The following CDH12 variants were observed in gnomAD, a reference collection of about 807,000 sequenced individuals.
CDH12 encodes cadherin-12.
In CDH12, 41 loss-of-function variants were observed where a neutral mutation model predicts 74.1. The ratio of observed to expected loss-of-function variants is 0.55; its 90% CI spans 0.43 to 0.72. CDH12 has a LOEUF of 0.72. CDH12 is among the 30% of genes least tolerant of loss of function. CDH12 has a pLI of 0.00. For missense variants in CDH12, 945 were observed against 977.2 expected (o/e 0.97, Z 0.44); for synonymous variants, 399 against 355.0 (o/e 1.12, Z -1.39).
At chr5:22,523,430 T>A (rs1392348616) in intron 1 of CDH12, among the ~76,000 whole-genome samples, 2 of 152,178 alleles carry the variant, frequency 1.3e-5, no homozygotes, top group Non-Finnish European at 2.9e-5. Context: ...CTCATGCACA[T>A]CCACTAGAGA....
intron 3 of CDH12, among the ~76,000 whole-genome samples, chr5:22,397,950 C>G (rs1175996895): frequency 6.6e-6 from 1 of 151,848 alleles, no homozygotes; most frequent in Non-Finnish European, 1.5e-5. Flanking sequence ...AGAAATAAAC[C>G]CTGCTGACAC....
intron 10 of CDH12, among the ~76,000 whole-genome samples, chr5:21,785,951 ATGCC>A (rs751319495): frequency 1.6e-4 from 25 of 152,318 alleles, no homozygotes; most frequent in Non-Finnish European, 2.6e-4. Flanking sequence ...AGAGAAGTCA[ATGCC>A]TGGCTTCAAA....
intron 3 of CDH12, among the ~76,000 whole-genome samples, chr5:22,360,177 C>A (rs1740737999): frequency 1.3e-5 from 2 of 151,888 alleles, no homozygotes; most frequent in African/African-American, 4.8e-5. Context: ...AATTGATAGA[C>A]CACTAGCAAG....
chr5:22,593,945 T>C (rs1346904367), intron 1 of CDH12, among the ~76,000 whole-genome samples: 2 of 152,198 alleles, frequency 1.3e-5, no homozygotes, highest in Admixed American at 6.5e-5. Flanking sequence ...ACTGATTATC[T>C]ATATATACTT....
intron 3 of CDH12, among the ~76,000 whole-genome samples, chr5:22,375,182 C>G (rs1318802644): frequency 1.3e-5 from 2 of 151,900 alleles, no homozygotes; most frequent in Non-Finnish European, 2.9e-5. Flanking sequence ...ACAAATATGC[C>G]AAGAACAATT....
rs1742496587 is a variant in CDH12, at chr5:22,078,578, T to G, written c.99A>C (p.Thr33=). 6.2e-7 allele frequency: 1 copy of G among 1,613,998 alleles called. No homozygotes were observed. The highest frequency in any genetic ancestry group is 8.5e-7 in the Non-Finnish European group (1 of 1,179,892). The stretch of plus-strand genomic sequence containing the variant: ...GATGGATAACATTTTCTCTTGGCTC[T>G]GTGGCTAAAGTCTGCTGTGGCTGTG... ...LQPQPQQTLA[T]EPRENVIHLP... is the part of the protein sequence containing the mutation. The change falls in exon 5 of 15, where the codon ACA becomes ACC. Residue 33 remains threonine, a synonymous_variant. Coordinates refer to ENST00000382254, the MANE Select transcript of CDH12 (RefSeq NM_004061.5).
chr5:22,743,934 T>C (rs1203003623), intron 1 of CDH12, among the ~76,000 whole-genome samples: 1 of 152,172 alleles, frequency 6.6e-6, no homozygotes, highest in African/African-American at 2.4e-5. Flanking sequence ...TTTCTACTGT[T>C]GGGCATTTTG....
At chr5:22,192,725 A>G (rs1750380137) in intron 4 of CDH12, among the ~76,000 whole-genome samples, 1 of 152,184 alleles carries the variant, frequency 6.6e-6, no homozygotes, top group African/African-American at 2.4e-5. Context: ...CTTATCCCAG[A>G]ATAGACTGGG....
chr5:22,643,823 C>A (rs72637732), intron 1 of CDH12, among the ~76,000 whole-genome samples: 5 of 136,232 alleles, frequency 3.7e-5, no homozygotes, highest in Middle Eastern at 4.1e-3. Context: ...ATTTTTCCAA[C>A]GGCATGTGCT....
chr5:21,934,836 G>C (rs1755002495), intron 6 of CDH12, among the ~76,000 whole-genome samples: 1 of 151,956 alleles, frequency 6.6e-6, no homozygotes, highest in Non-Finnish European at 1.5e-5. Flanking sequence ...ACCCAGGCTG[G>C]AGTGCAGTGG....
rs1296366470 is a variant in CDH12 at position 21,755,579 on chromosome 5, A to G, written c.1885+12T>C. ...CGAGAAAAAATTAACAATGATTAAT[A>G]TTGAAACCAACCTAAGAGTATAACA... On this transcript the variant is annotated intron_variant, in intron 14 of 14. Transcript: ENST00000382254. 1.9e-6 allele frequency: 3 copies of G among 1,608,982 alleles called. No individual in the cohort carries two copies. Among genetic ancestry groups the G allele is most frequent in the Non-Finnish European group, 2.6e-6 (3 of 1,175,998 alleles).
intron 1 of CDH12, among the ~76,000 whole-genome samples, chr5:22,577,898 T>A (rs1739873002): frequency 6.6e-6 from 1 of 152,186 alleles, no homozygotes; most frequent in Non-Finnish European, 1.5e-5. Context: ...ACAACTAACA[T>A]AAATTATAGC....
intron 3 of CDH12, among the ~76,000 whole-genome samples, chr5:22,339,283 T>C (rs572890442): frequency 2.2e-4 from 33 of 152,298 alleles, no homozygotes; most frequent in African/African-American, 7.9e-4. Flanking sequence ...GAGCTGGATT[T>C]CAAACCTTAG....
At chr5:22,630,804 A>T (rs1036968829) in intron 1 of CDH12, among the ~76,000 whole-genome samples, 1 of 152,194 alleles carries the variant, frequency 6.6e-6, no homozygotes, top group Non-Finnish European at 1.5e-5. Flanking sequence ...AAGTAAACTA[A>T]AGAGGTTCTG....
intron 3 of CDH12, among the ~76,000 whole-genome samples, chr5:22,341,512 T>C (rs1259740726): frequency 6.6e-6 from 1 of 152,122 alleles, no homozygotes; most frequent in Non-Finnish European, 1.5e-5. Context: ...ATGATTTTGA[T>C]TATGACCTAA....
intron 3 of CDH12, among the ~76,000 whole-genome samples, chr5:22,298,103 T>C (rs527892867): frequency 6.6e-6 from 1 of 150,690 alleles, no homozygotes; most frequent in Non-Finnish European, 1.5e-5. Flanking sequence ...TGATGCCTAA[T>C]GGAGAAAAAT....
intron 1 of CDH12, among the ~76,000 whole-genome samples, chr5:22,545,477 C>G (rs946799060): frequency 6.6e-6 from 1 of 152,118 alleles, no homozygotes. Flanking sequence ...ATATAGATCC[C>G]TAGATGATTC....
At chr5:22,592,778 C>T (rs995795380) in intron 1 of CDH12, among the ~76,000 whole-genome samples, 87 of 150,388 alleles carry the variant, frequency 5.8e-4, no homozygotes, top group African/African-American at 2.0e-3. Context: ...TGGTAGCTCA[C>T]GCGTGTAATC....
intron 3 of CDH12, among the ~76,000 whole-genome samples, chr5:22,214,180 G>A (rs1397629379): frequency 6.6e-6 from 1 of 152,068 alleles, no homozygotes; most frequent in African/African-American, 2.4e-5. Context: ...CTGAATTGCT[G>A]TTACTAAGGC....
Sources: gnomAD v4.1 joint callset for allele counts (sites outside exome capture counted in the v4.1 genomes callset) on GRCh38, gnomAD v4.1.1 for gene constraint, MANE v1.5 for transcripts, NCBI Gene and HGNC (gene_info 2026-07-23, HGNC 2026-07-21) for gene names.